Variants in CPA6 observed in about 807,000 individuals in gnomAD.
CPA6 encodes carboxypeptidase A6, also known as carboxypeptidase B.
In CPA6, 58 loss-of-function variants were observed where a neutral mutation model predicts 63.3. That is an observed-to-expected ratio of 0.92 (90% CI 0.74 to 1.14). CPA6 has a LOEUF of 1.14. Ranked by LOEUF, CPA6 falls within the 50% of genes most tolerant of loss-of-function variation. The pLI is 0.00. For synonymous variants in CPA6, 185 were observed against 179.0 expected (o/e 1.03, Z -0.27); for missense variants, 565 against 526.6 (o/e 1.07, Z -0.71).
At chr8:67,459,878 G>A (rs1160690301) in intron 8 of CPA6, among the ~76,000 whole-genome samples, 3 of 152,150 alleles carry the variant, frequency 2.0e-5, no homozygotes, top group Admixed American at 1.3e-4. Flanking sequence ...TGTAATACAT[G>A]TACCATCCTG....
At chr8:67,487,830 G>A (rs1345823245) in intron 6 of CPA6, among the ~76,000 whole-genome samples, 1 of 152,132 alleles carries the variant, frequency 6.6e-6, no homozygotes, top group Non-Finnish European at 1.5e-5. Context: ...ATTTTTTCAT[G>A]TGTCTTTTGG....
intron 8 of CPA6, among the ~76,000 whole-genome samples, chr8:67,442,155 T>A (rs1810308504): frequency 6.6e-6 from 1 of 152,110 alleles, no homozygotes; most frequent in African/African-American, 2.4e-5. Flanking sequence ...ATTTTAAAAT[T>A]ACAAGTTGAT....
chr8:67,428,085 C>G lies in CPA6; in HGVS notation c.1088G>C (p.Gly363Ala), dbSNP rs1809934497. Residue 363 changes from glycine (G) to alanine (A), a missense_variant, in exon 10 of 11, where the codon GGG becomes GCG. By Grantham distance (60) the Gly-to-Ala change is moderately conservative. Coordinates refer to ENST00000297770, the MANE Select transcript of CPA6 (RefSeq NM_020361.5). ...GGCTGGTCCATATCTGTATCGTACC[C>G]CGTATACTGACTGAAGTGCATTCAC... ...KAVNALQSVY[G>A]VRYRYGPAST... The G allele has an allele frequency of 6.2e-7, 1 of 1,613,430 alleles. No individual in the cohort carries two copies. Among genetic ancestry groups the G allele is most frequent in the African/African-American group, 1.3e-5 (1 of 75,010 alleles).
rs147147312 is a variant in CPA6 at position 67,670,459 on chromosome 8, G to C, written c.117-46208C>G. ...CTGGGGGGCTTACAATTTGCCATGA[G>C]ATTTGGACGGGGACACAGATCCAAA... On this transcript the variant is annotated intron_variant, in intron 1 of 10. Transcript: ENST00000297770. Among the ~76,000 whole-genome samples, 306 of 152,302 alleles carry C rather than the reference G, an allele frequency of 2.0e-3. 1 individual carries two copies. Among genetic ancestry groups the C allele is most frequent in the African/African-American group, 7.1e-3 (297 of 41,562 alleles).
At chr8:67,599,073 T>G (rs1177066778) in intron 2 of CPA6, among the ~76,000 whole-genome samples, 1 of 152,212 alleles carries the variant, frequency 6.6e-6, no homozygotes, top group Non-Finnish European at 1.5e-5. Flanking sequence ...GCTACCTGGT[T>G]TAAGGATTCA....
intron 2 of CPA6, among the ~76,000 whole-genome samples, chr8:67,589,982 G>A (rs1190039774): frequency 6.6e-6 from 1 of 151,722 alleles, no homozygotes; most frequent in Non-Finnish European, 1.5e-5. Flanking sequence ...CTGGTGTGCT[G>A]CACCCATTAA....
chr8:67,673,384 ATTT>A (rs771933482), intron 1 of CPA6, among the ~76,000 whole-genome samples: 7 of 103,524 alleles, frequency 6.8e-5, no homozygotes, highest in Non-Finnish European at 1.3e-4. Flanking sequence ...ATTATTATTT[ATTT>A]ATTTTTTTTT....
chr8:67,590,840 G>A (rs915656426), intron 2 of CPA6, among the ~76,000 whole-genome samples: 128 of 151,614 alleles, frequency 8.4e-4, no homozygotes, highest in African/African-American at 3.0e-3. Context: ...TAGGTTGCCT[G>A]TTCACTCTGA....
intron 2 of CPA6, among the ~76,000 whole-genome samples, chr8:67,551,643 C>T (rs561027706): frequency 1.1e-4 from 17 of 152,230 alleles, no homozygotes; most frequent in East Asian, 3.9e-4. Flanking sequence ...TTGATTCTTC[C>T]GATTCTTGAG....
In CPA6 at chr8:67,423,975, G is replaced by A. The variant is rs142467110; in HGVS notation, c.1127-1284C>T. Among the ~76,000 whole-genome samples, 28 of 152,302 alleles carry A rather than the reference G, an allele frequency of 1.8e-4. 1 individual carries two copies. Among genetic ancestry groups the A allele is most frequent in the Admixed American group, 2.6e-4 (4 of 15,300 alleles). On this transcript the variant is annotated intron_variant, in intron 10 of 10. Coordinates refer to ENST00000297770, the MANE Select transcript of CPA6 (RefSeq NM_020361.5). The stretch of plus-strand genomic sequence containing the variant: ...CCTGTATTTACAGTCACTCGCTATC[G>A]CTTGCATTACTGCCTGAGCTCTGCC...
chr8:67,623,406 A>T (rs1815125140), intron 2 of CPA6, among the ~76,000 whole-genome samples: 1 of 151,548 alleles, frequency 6.6e-6, no homozygotes, highest in Non-Finnish European at 1.5e-5. Context: ...CAGATAGAAA[A>T]TTTTCTTTTT....
intron 2 of CPA6, among the ~76,000 whole-genome samples, chr8:67,618,757 T>G (rs1021461224): frequency 2.0e-5 from 3 of 152,188 alleles, no homozygotes; most frequent in Non-Finnish European, 4.4e-5. Flanking sequence ...ATGGAAACTT[T>G]GTGATCCTAC....
At chr8:67,581,172 G>A (rs1340263294) in intron 2 of CPA6, among the ~76,000 whole-genome samples, 1 of 152,172 alleles carries the variant, frequency 6.6e-6, no homozygotes, top group Non-Finnish European at 1.5e-5. Flanking sequence ...TACAGTACTG[G>A]TCAATATCCA....
At chr8:67,679,733 C>G (rs1412197909) in intron 1 of CPA6, among the ~76,000 whole-genome samples, 1 of 152,158 alleles carries the variant, frequency 6.6e-6, no homozygotes, top group African/African-American at 2.4e-5. Context: ...AAACAGCATG[C>G]TATTGAGTTC....
At chr8:67,573,231 C>T (rs902799834) in intron 2 of CPA6, among the ~76,000 whole-genome samples, 2 of 152,206 alleles carry the variant, frequency 1.3e-5, no homozygotes, top group African/African-American at 2.4e-5. Flanking sequence ...GATGTTCATT[C>T]ATGCCACCTC....
At chr8:67,585,101 C>A (rs948370814) in intron 2 of CPA6, among the ~76,000 whole-genome samples, 7 of 151,844 alleles carry the variant, frequency 4.6e-5, no homozygotes, top group Non-Finnish European at 1.5e-5. Flanking sequence ...ATTGAGAATT[C>A]TATAATAGAT....
chr8:67,468,829 C>T (rs532594764), intron 8 of CPA6, among the ~76,000 whole-genome samples: 1 of 152,240 alleles, frequency 6.6e-6, no homozygotes, highest in Admixed American at 6.5e-5. Flanking sequence ...TGCTTCCTGT[C>T]ATCCTTCATC....
chr8:67,422,362 G>A lies in CPA6; in HGVS notation c.*142C>T, dbSNP rs1809782033. On this transcript the variant is annotated 3_prime_UTR_variant, in exon 11 of 11. Coordinates refer to ENST00000297770, the MANE Select transcript of CPA6 (RefSeq NM_020361.5). ...TTTTACTGTTTTCTATTGCCACAAA[G>A]TCAAATTGCGTGGGGTCTTTTTAAA... 5.0e-6 allele frequency: 3 copies of A among 600,208 alleles called. No individual in the cohort carries two copies. The East Asian group carries it at 8.0e-5, about 16-fold the overall frequency. 37.2% of individuals were successfully genotyped at this position (600,208 alleles called of 1,614,324 possible).
chr8:67,499,070 CCAGT>C (rs1811782457), intron 6 of CPA6, among the ~76,000 whole-genome samples: 1 of 152,168 alleles, frequency 6.6e-6, no homozygotes, highest in Non-Finnish European at 1.5e-5. Context: ...GCCCAATTTA[CCAGT>C]CATTTAATTC....
Sources: gnomAD v4.1 joint callset for allele counts (sites outside exome capture counted in the v4.1 genomes callset) on GRCh38, gnomAD v4.1.1 for gene constraint, MANE v1.5 for transcripts, NCBI Gene and HGNC (gene_info 2026-07-23, HGNC 2026-07-21) for gene names.